Variants in PPL observed in about 807,000 individuals in gnomAD.
The protein encoded by PPL is periplakin.
A neutral mutation model predicts 194.4 loss-of-function variants in PPL; 198 were observed. The observed-to-expected ratio is 1.02, with a 90% CI of 0.91 to 1.15. The LOEUF (loss-of-function observed/expected upper bound fraction) is 1.15, where lower values mean the gene tolerates loss of function less well. Among genes scored for constraint, PPL ranks in the 50% most tolerant of loss-of-function variants. The pLI is 0.00. For synonymous variants in PPL, 1,220 were observed against 972.4 expected, an observed-to-expected ratio of 1.25 and a Z score of -4.74; for missense variants, 2,885 against 2,294.8, an observed-to-expected ratio of 1.26 and a Z score of -5.25.
intron 2 of PPL, among the ~76,000 whole-genome samples, chr16:4,910,600 G>C (rs988975533): frequency 3.3e-5 from 5 of 152,126 alleles, no homozygotes; most frequent in South Asian, 2.1e-4. Flanking sequence ...TCACAGAGCA[G>C]GGCTTCCTGA....
intron 1 of PPL, among the ~76,000 whole-genome samples, chr16:4,931,740 C>T (rs867575212): frequency 3.3e-5 from 5 of 152,204 alleles, no homozygotes; most frequent in African/African-American, 4.8e-5. Context: ...CCAGGGCCTC[C>T]CCCAACCACA....
At chr16:4,887,957 AACCTGTTTGC>A (rs1434821929) in intron 20 of PPL, 135 bp downstream of exon 20, 10 of 653,228 alleles carry the variant, frequency 1.5e-5, no homozygotes, top group Non-Finnish European at 2.7e-6. Context: ...TCTCTTACCA[AACCTGTTTGC>A]ATGCAGGAGG....
chr16:4,899,475 C>CTGGCCTGAGGACAAGCCCAGCTATCGG, intron 6 of PPL, 91 bp from the exon 7 acceptor site: 2 of 709,086 alleles, frequency 2.8e-6, no homozygotes, highest in Non-Finnish European at 4.6e-6. Context: ...CCAGCTATGG[C>CTGGCCTGAGGACAAGCCCAGCTATCGG]TGGCCTGAGG....
Position 4,902,469 on chromosome 16 carries a change from G to A in PPL, c.375C>T (p.Tyr125=), listed in dbSNP as rs369181741. ...TNLRGKHKQI[Y]RLAVKEVDPQ... ...GATCCACTTCCTTCACCGCCAGCCTGTAGATCTGCTTGTGTTTCCCGCGCA... is the reference window on the plus strand; with the variant it reads ...GATCCACTTCCTTCACCGCCAGCCTATAGATCTGCTTGTGTTTCCCGCGCA... Residue 125 remains tyrosine (Y), a synonymous_variant, in exon 4 of 22, where the codon TAC becomes TAT. Coordinates refer to ENST00000345988, the MANE Select transcript of PPL (RefSeq NM_002705.5). The surrounding 1 kb of genome is among the most constrained non-coding windows in gnomAD (Gnocchi z 4.0). 6.2e-7 allele frequency: 1 copy of A among 1,613,918 alleles called. No individual in the cohort carries two copies. The highest frequency in any genetic ancestry group is 1.7e-5 in the Admixed American group (1 of 59,984).
Position 4,883,501 on chromosome 16 carries a change from C to A in PPL, c.5154G>T (p.Lys1718Asn), listed in dbSNP as rs1286886989. Residue 1718 changes from lysine to asparagine, a missense_variant, in exon 22 of 22, where the codon AAG becomes AAT. By Grantham distance (94) the Lys-to-Asn change is moderately conservative. Transcript: ENST00000345988. The surrounding 1 kb of genome is among the most constrained non-coding windows in gnomAD (Gnocchi z 4.8). Reference protein sequence around the residue: ...SVIHDRKSGKKFSIEEALQSG... With the variant: ...SVIHDRKSGKNFSIEEALQSG... The stretch of plus-strand genomic sequence containing the variant: ...TCTGCAGGGCCTCTTCGATGGAGAA[C>A]TTCTTGCCAGACTTCCTGTCGTGTA... 1 of 1,614,222 alleles carries A rather than the reference C, an allele frequency of 6.2e-7. No homozygotes were observed. The highest frequency in any genetic ancestry group is 1.1e-5 in the South Asian group (1 of 91,084).
chr16:4,889,115 C>T (rs8060738), intron 18 of PPL, 54 bp from the exon 19 acceptor site: 225,383 of 1,443,932 alleles, frequency 0.16, 19,216 homozygotes, highest in South Asian at 0.26. Flanking sequence ...TTTAAAAAAG[C>T]AACCATGGAT....
rs1237142022 is a variant in PPL, at chr16:4,885,059, T to C, written c.3596A>G (p.Glu1199Gly). 4.3e-6 allele frequency: 7 copies of C among 1,613,656 alleles called. No individual in the cohort carries two copies. The highest frequency in any genetic ancestry group is 5.9e-6 in the Non-Finnish European group (7 of 1,180,012). Residue 1199 changes from glutamate to glycine, a missense_variant, in exon 22 of 22, where the codon GAG becomes GGG. Physicochemically the swap from Glu to Gly is moderately conservative, Grantham distance 98. Coordinates refer to ENST00000345988, the MANE Select transcript of PPL (RefSeq NM_002705.5). This position sits in a 1 kb window ranked among gnomAD's most constrained non-coding sequence, Gnocchi z 6.3. ...ANLRLELVEQERKYRGAEEQL... is the reference protein window; with the variant it reads ...ANLRLELVEQGRKYRGAEEQL... The stretch of plus-strand genomic sequence containing the variant: ...CTCCTCGGCACCCCGGTACTTTCGC[T>C]CCTGCTCCACAAGCTCCAGGCGGAG...
intron 2 of PPL, among the ~76,000 whole-genome samples, chr16:4,907,551 G>A (rs2088717685): frequency 6.6e-6 from 1 of 152,122 alleles, no homozygotes; most frequent in Non-Finnish European, 1.5e-5. Flanking sequence ...CTGCCAGGGG[G>A]AAAGGGGAGG....
At chr16:4,917,549 G>T (rs539148093) in intron 1 of PPL, among the ~76,000 whole-genome samples, 4 of 152,266 alleles carry the variant, frequency 2.6e-5, no homozygotes, top group African/African-American at 9.6e-5. Context: ...TCTTTTTGGG[G>T]TGATAAAAAT....
chr16:4,909,654 C>T (rs112638728), intron 2 of PPL, among the ~76,000 whole-genome samples: 3,543 of 151,872 alleles, frequency 0.023, 133 homozygotes, highest in African/African-American at 0.08. Context: ...CTCAAACTCC[C>T]GACCTCAAGT....
chr16:4,930,231 C>T (rs150789882), intron 1 of PPL, among the ~76,000 whole-genome samples: 79 of 152,298 alleles, frequency 5.2e-4, no homozygotes, highest in African/African-American at 1.8e-3. Context: ...AGGACCTCTC[C>T]TGAAGAAGCC....
At position 4,903,997 on chromosome 16, in the gene PPL, T is replaced by A. The variant is rs754462095; in HGVS notation, c.206A>T (p.Asp69Val). The A allele has an allele frequency of 3.2e-5, 52 of 1,613,388 alleles. No individual in the cohort carries two copies. Among genetic ancestry groups the A allele is most frequent in the Non-Finnish European group, 4.4e-5 (52 of 1,180,002 alleles). Residue 69 changes from aspartate (D) to valine (V), a missense_variant, in exon 3 of 22, where the codon GAC (aspartate) becomes GTC (valine). Coordinates refer to ENST00000345988, the MANE Select transcript of PPL (RefSeq NM_002705.5). ...LQEGRQPEHR[D>V]VTLQKVLDSE... ...GTCCAACACCTTCTGCAGGGTCACG[T>A]CCCGGTGCTCAGGCTGCCGACCCTC...
chr16:4,900,090 C>G (rs750057481), intron 6 of PPL, among the ~76,000 whole-genome samples: 9 of 152,164 alleles, frequency 5.9e-5, no homozygotes, highest in Non-Finnish European at 1.2e-4. Flanking sequence ...CACTAAGGAG[C>G]AGAGGAAGCA....
chr16:4,885,127 C>T lies in PPL; in HGVS notation c.3528G>A (p.Glu1176=), dbSNP rs117600030. 8.7e-5 allele frequency: 141 copies of T among 1,614,032 alleles called. No individual in the cohort carries two copies. The highest frequency in any genetic ancestry group is 1.1e-4 in the Non-Finnish European group (135 of 1,180,034). ...CCGCCTTGGGGTCTGGCCGCACGATCTCCCGCACCTTCTCCTGCACCACCA... is the reference window on the plus strand; with the variant it reads ...CCGCCTTGGGGTCTGGCCGCACGATTTCCCGCACCTTCTCCTGCACCACCA... ...AKVVVQEKVR[E]IVRPDPKAES... Residue 1176 remains glutamate, a synonymous_variant, in exon 22 of 22, where the codon GAG becomes GAA. Coordinates refer to ENST00000345988, the MANE Select transcript of PPL (RefSeq NM_002705.5). The surrounding 1 kb of genome is among the most constrained non-coding windows in gnomAD (Gnocchi z 6.3).
At chr16:4,895,783 C>G in intron 9 of PPL, 67 bp from the exon 10 acceptor site, 1 of 1,606,794 alleles carries the variant, frequency 6.2e-7, no homozygotes. Context: ...CTGTCGGAGG[C>G]TTCAAGCTCA....
intron 1 of PPL, among the ~76,000 whole-genome samples, chr16:4,932,474 A>T (rs1384566454): frequency 1.4e-5 from 2 of 146,684 alleles, no homozygotes; most frequent in African/African-American, 2.5e-5. Context: ...CAGTGGTGTG[A>T]TCTCGGCTCA....
chr16:4,920,030 A>G (rs2089004142), intron 1 of PPL, among the ~76,000 whole-genome samples: 1 of 152,024 alleles, frequency 6.6e-6, no homozygotes, highest in Admixed American at 6.6e-5. Context: ...TCACGCCTGT[A>G]ATCCTAGCAC....
intron 1 of PPL, among the ~76,000 whole-genome samples, chr16:4,934,210 C>T (rs965194431): frequency 2.0e-5 from 3 of 152,176 alleles, no homozygotes; most frequent in Non-Finnish European, 4.4e-5. Context: ...CATTAGGAAC[C>T]CGGGCAACGG....
chr16:4,916,890 G>T lies in PPL; in HGVS notation c.63-5941C>A, dbSNP rs560951326. On this transcript the variant is annotated intron_variant, in intron 1 of 21. Coordinates refer to ENST00000345988, the MANE Select transcript of PPL (RefSeq NM_002705.5). Reference sequence around the variant, plus strand: ...CACGCCTGCAATCCCAGCACTTTGGGAGGCCGAGGCAGGTGGATCACCTGA... The same window carrying T: ...CACGCCTGCAATCCCAGCACTTTGGTAGGCCGAGGCAGGTGGATCACCTGA... Among the ~76,000 whole-genome samples, 47 of 152,204 alleles carry T rather than the reference G, an allele frequency of 3.1e-4. 1 individual carries two copies. The South Asian group carries it at 8.9e-3, about 29-fold the overall frequency.
Sources: gnomAD v4.1 joint callset for allele counts (sites outside exome capture counted in the v4.1 genomes callset) on GRCh38, gnomAD v4.1.1 for gene constraint, Gnocchi (gnomAD v3.1) non-coding constraint, MANE v1.5 for transcripts, NCBI Gene and HGNC (gene_info 2026-07-23, HGNC 2026-07-21) for gene names.